SEMA3D: variants seen among roughly 807,000 people sequenced by gnomAD.
SEMA3D encodes the protein semaphorin-3D.
A neutral mutation model predicts 100.1 loss-of-function variants in SEMA3D; 84 were observed. That is an observed-to-expected ratio of 0.84 (90% CI 0.70 to 1.01). SEMA3D has a LOEUF of 1.01. Ranked by LOEUF, SEMA3D falls within the 50% of genes least tolerant of loss-of-function variation. SEMA3D has a pLI of 0.00. For missense variants in SEMA3D, 875 were observed against 934.1 expected, an observed-to-expected ratio of 0.94 and a Z score of 0.82; for synonymous variants, 312 against 320.7, an observed-to-expected ratio of 0.97 and a Z score of 0.29.
the SEMA3D span, among the ~76,000 whole-genome samples, chr7:85,214,547 A>G: frequency 6.6e-6 from 1 of 152,072 alleles, no homozygotes; most frequent in Non-Finnish European, 1.5e-5. Context: ...CCCAGGCTGG[A>G]GTGCAATGGT....
chr7:85,063,388 C>T (rs374441888), intron 8 of SEMA3D, among the ~76,000 whole-genome samples: 6 of 152,288 alleles, frequency 3.9e-5, no homozygotes, highest in African/African-American at 1.4e-4. Flanking sequence ...CCATAAAAGT[C>T]AGTTTTTCTG....
chr7:85,243,409 C>T, the SEMA3D span, among the ~76,000 whole-genome samples: 1 of 152,104 alleles, frequency 6.6e-6, no homozygotes, highest in East Asian at 1.9e-4. Flanking sequence ...AGCAACTTGT[C>T]GATTCCGGTA....
intron 17 of SEMA3D, among the ~76,000 whole-genome samples, chr7:85,008,906 G>A (rs957773245): frequency 1.3e-5 from 2 of 151,624 alleles, no homozygotes; most frequent in African/African-American, 4.8e-5. Flanking sequence ...AAGGCTATGC[G>A]TATAAGGTGT....
chr7:85,110,693 T>TATCCG lies in SEMA3D; in HGVS notation c.151+11047_151+11048insCGGAT, dbSNP rs149852483. Among the ~76,000 whole-genome samples the TATCCG allele has an allele frequency of 8.3e-3, 1,263 of 151,688 alleles. 18 individuals are homozygous for TATCCG. The highest frequency in any genetic ancestry group is 0.029 in the African/African-American group (1,190 of 41,376). ...TCAATAAGGTGTAGATTATCCGGCA[T>TATCCG]GTCTCCTGTATTACCAATTATTCTT... On this transcript the variant is annotated intron_variant, in intron 3 of 18. Coordinates refer to ENST00000284136, the MANE Select transcript of SEMA3D (RefSeq NM_001384900.1).
intron 1 of SEMA3D, among the ~76,000 whole-genome samples, chr7:85,159,717 A>G (rs1322415102): frequency 6.6e-6 from 1 of 152,200 alleles, no homozygotes; most frequent in African/African-American, 2.4e-5. Flanking sequence ...GCTGAACTCC[A>G]CTCCAGTTAT....
the SEMA3D span, among the ~76,000 whole-genome samples, chr7:85,236,144 T>C: frequency 6.6e-6 from 1 of 152,040 alleles, no homozygotes; most frequent in African/African-American, 2.4e-5. Flanking sequence ...TGAGCTACCA[T>C]GAGCAGAATT....
At chr7:85,141,145 G>T (rs147191039) in intron 2 of SEMA3D, 4 of 984,144 alleles carry the variant, frequency 4.1e-6, no homozygotes, top group Non-Finnish European at 4.8e-6. Flanking sequence ...CCAATTTGAC[G>T]TCTAATTCTA....
chr7:85,089,826 G>C (rs1788331806), intron 4 of SEMA3D, among the ~76,000 whole-genome samples: 2 of 152,090 alleles, frequency 1.3e-5, no homozygotes, highest in Non-Finnish European at 2.9e-5. Context: ...AAGAAGTTAA[G>C]GCTGCAGTAA....
intron 8 of SEMA3D, among the ~76,000 whole-genome samples, chr7:85,062,759 T>C (rs1247882166): frequency 3.9e-5 from 6 of 152,126 alleles, no homozygotes; most frequent in African/African-American, 1.4e-4. Context: ...TAATCTAGAA[T>C]AAAAATGGAA....
chr7:85,214,451 G>T, the SEMA3D span, among the ~76,000 whole-genome samples: 117 of 152,150 alleles, frequency 7.7e-4, no homozygotes, highest in Non-Finnish European at 1.4e-3. Flanking sequence ...ATTTTAGCTG[G>T]AAGGAGGGAA....
At chr7:85,101,815 TTGTTTTGAGTA>T (rs1788753915) in intron 3 of SEMA3D, among the ~76,000 whole-genome samples, 1 of 152,018 alleles carries the variant, frequency 6.6e-6, no homozygotes, top group Admixed American at 6.6e-5. Flanking sequence ...TCAATAAATA[TTGTTTTGAGTA>T]TGATTATTAA....
intron 2 of SEMA3D, 60 bp from the exon 3 acceptor site, chr7:85,121,991 A>G (rs902954800): frequency 1.3e-6 from 1 of 771,990 alleles, no homozygotes; most frequent in Non-Finnish European, 2.0e-6. Context: ...ACAGGAAGAG[A>G]AAACCAAATA....
chr7:85,196,740 C>A, the SEMA3D span, among the ~76,000 whole-genome samples: 100 of 152,060 alleles, frequency 6.6e-4, no homozygotes, highest in African/African-American at 2.3e-3. Context: ...TTCAAAAGTC[C>A]AATAACTTTT....
At chr7:85,046,487 C>A (rs1283537307) in intron 9 of SEMA3D, among the ~76,000 whole-genome samples, 2 of 151,840 alleles carry the variant, frequency 1.3e-5, no homozygotes, top group Non-Finnish European at 2.9e-5. Flanking sequence ...AGATAAAAAA[C>A]CAAGACAAAA....
chr7:85,107,154 G>A (rs912227835), intron 3 of SEMA3D, among the ~76,000 whole-genome samples: 2 of 151,976 alleles, frequency 1.3e-5, no homozygotes, highest in Non-Finnish European at 2.9e-5. Flanking sequence ...ATTGATCATT[G>A]CTCATACTGG....
intron 9 of SEMA3D, among the ~76,000 whole-genome samples, chr7:85,045,066 A>C (rs1156955747): frequency 6.6e-6 from 1 of 152,078 alleles, no homozygotes; most frequent in Non-Finnish European, 1.5e-5. Context: ...GAAAAAGGCA[A>C]AAACTTCACT....
chr7:85,020,104 G>T (rs1790213421), intron 14 of SEMA3D, 129 bp downstream of exon 14: 4 of 633,044 alleles, frequency 6.3e-6, no homozygotes, highest in Non-Finnish European at 1.1e-5. Flanking sequence ...TTTGGGAAAA[G>T]AAAACTAAGA....
intron 17 of SEMA3D, among the ~76,000 whole-genome samples, chr7:85,010,285 T>C (rs1789916096): frequency 6.6e-6 from 1 of 151,848 alleles, no homozygotes; most frequent in South Asian, 2.1e-4. Context: ...TTACATGCCA[T>C]AGGAAAGCTT....
chr7:85,029,240 C>G, intron 12 of SEMA3D: 1 of 756,670 alleles, frequency 1.3e-6, no homozygotes, highest in Non-Finnish European at 2.4e-6. Flanking sequence ...ATATTAATGC[C>G]AAGGGCATCC....
Sources: gnomAD v4.1 joint callset for allele counts (sites outside exome capture counted in the v4.1 genomes callset) on GRCh38, gnomAD v4.1.1 for gene constraint, MANE v1.5 for transcripts, NCBI Gene and HGNC (gene_info 2026-07-23, HGNC 2026-07-21) for gene names.